BUB1: variants seen among roughly 807,000 people sequenced by gnomAD.
BUB1 encodes BUB1 mitotic checkpoint serine/threonine kinase.
In BUB1, 84 loss-of-function variants were observed where a neutral mutation model predicts 135.2. That is an observed-to-expected ratio of 0.62 (90% CI 0.52 to 0.74). The LOEUF (loss-of-function observed/expected upper bound fraction) is 0.74. Ranked by LOEUF, BUB1 falls within the 30% of genes least tolerant of loss-of-function variation. The probability of loss-of-function intolerance (pLI) is 0.00; values close to 1 mark genes in which losing one functional copy is unlikely to be tolerated. For synonymous variants in BUB1, 403 were observed against 434.4 expected, an observed-to-expected ratio of 0.93 and a Z score of 0.90; for missense variants, 1,162 against 1,288.3, an observed-to-expected ratio of 0.90 and a Z score of 1.50.
At chr2:110,650,204 G>A (rs1689744091) in intron 18 of BUB1, among the ~76,000 whole-genome samples, 1 of 140,230 alleles carries the variant, frequency 7.1e-6, no homozygotes, top group Non-Finnish European at 1.6e-5. Flanking sequence ...ACAAGGGGGT[G>A]GGCGGGGGGG....
At chr2:110,666,776 A>G (rs1429969785) in intron 8 of BUB1, among the ~76,000 whole-genome samples, 1 of 152,196 alleles carries the variant, frequency 6.6e-6, no homozygotes, top group Non-Finnish European at 1.5e-5. Flanking sequence ...TTGTTTTTAT[A>G]AGATAAAAAT....
chr2:110,645,363 G>A (rs935459951), intron 19 of BUB1, among the ~76,000 whole-genome samples: 1 of 151,868 alleles, frequency 6.6e-6, no homozygotes, highest in Non-Finnish European at 1.5e-5. Context: ...GAACCTGGGA[G>A]GCGGAGGTGG....
In BUB1 at chr2:110,641,474, A is replaced by G; in HGVS notation, c.2626-10T>C. ...AGAGGTTAATGGCATTCTAGGAACA[A>G]TGGAAAGTGGAATCCTGAGTTAGTT... On this transcript the variant is annotated splice_polypyrimidine_tract_variant and intron_variant, in intron 21 of 24. Transcript: ENST00000302759. The G allele has an allele frequency of 6.3e-7, 1 of 1,598,382 alleles. No homozygotes were observed. The highest frequency in any genetic ancestry group is 1.3e-5 in the African/African-American group (1 of 74,288).
intron 9 of BUB1, among the ~76,000 whole-genome samples, chr2:110,663,705 G>A (rs1012977677): frequency 6.6e-6 from 1 of 152,180 alleles, no homozygotes; most frequent in Non-Finnish European, 1.5e-5. Flanking sequence ...AGGTGGAGGT[G>A]AAGATAGGAA....
chr2:110,637,585 A>AGTAT lies in BUB1; in HGVS notation c.*378_*379insATAC. On this transcript the variant is annotated 3_prime_UTR_variant, in exon 25 of 25. Transcript: ENST00000302759. ...TGAAGTCCCTTGGAAATGTTAGGGA[A>AGTAT]GTGTGTGTGTGTGTGTGTGTGTGTG... is the stretch of plus-strand genomic sequence containing the variant. The AGTAT allele has an allele frequency of 6.8e-6, 1 of 147,602 alleles. No homozygotes were observed. Among genetic ancestry groups the AGTAT allele is most frequent in the Non-Finnish European group, 1.5e-5 (1 of 67,268 alleles). The allele number at this position is 147,602 out of a possible 1,614,324, so 9.1% of individuals were successfully genotyped here.
chr2:110,657,321 G>T (rs1249268433), intron 14 of BUB1, among the ~76,000 whole-genome samples: 1 of 152,108 alleles, frequency 6.6e-6, no homozygotes, highest in Non-Finnish European at 1.5e-5. Context: ...CATTACTTGA[G>T]GGTGGGAAGT....
chr2:110,657,183 C>A, intron 14 of BUB1, 66 bp from the exon 15 acceptor site: 3 of 1,395,984 alleles, frequency 2.1e-6, no homozygotes, highest in Admixed American at 1.9e-5. Context: ...TATCACTTGA[C>A]CATTAGAAAA....
At chr2:110,676,011 A>C (rs1690572215) in intron 1 of BUB1, among the ~76,000 whole-genome samples, 1 of 152,130 alleles carries the variant, frequency 6.6e-6, no homozygotes, top group South Asian at 2.1e-4. Context: ...AATGTTTCTT[A>C]TGACTCAAAA....
chr2:110,665,041 T>C (rs538675445), intron 9 of BUB1, among the ~76,000 whole-genome samples: 19 of 152,320 alleles, frequency 1.2e-4, no homozygotes, highest in African/African-American at 4.6e-4. Flanking sequence ...ACTTGAAAGG[T>C]AGCATGATTT....
Position 110,666,394 on chromosome 2 carries a change from TATA to T in BUB1, c.823_825del (p.Tyr275del). ...AAAGCATTTGCTTCTTTCCTTTTCA[TATA>T]ATGTCTGTCTTCATTTACTTTAGGA... On this transcript the variant is annotated inframe_deletion, in exon 9 of 25. Coordinates refer to ENST00000302759, the MANE Select transcript of BUB1 (RefSeq NM_004336.5). 1 of 1,469,988 alleles carries T rather than the reference TATA, an allele frequency of 6.8e-7. No homozygotes were observed. Among genetic ancestry groups the T allele is most frequent in the Non-Finnish European group, 9.0e-7 (1 of 1,105,958 alleles). 91.1% of individuals were successfully genotyped at this position (1,469,988 alleles called of 1,614,324 possible).
intron 10 of BUB1, chr2:110,661,299 C>A: frequency 2.6e-6 from 1 of 380,984 alleles, no homozygotes; most frequent in Non-Finnish European, 4.8e-6. Context: ...AGCCTAACAG[C>A]TGTATATTCT....
chr2:110,677,163 T>C (rs1447301317), intron 1 of BUB1, among the ~76,000 whole-genome samples: 1 of 152,204 alleles, frequency 6.6e-6, no homozygotes, highest in Non-Finnish European at 1.5e-5. Flanking sequence ...ACCAGGAATA[T>C]CTGCTTTACC....
At chr2:110,656,549 AAGGATATCAG>A (rs770159219) in intron 15 of BUB1, among the ~76,000 whole-genome samples, 15 of 152,178 alleles carry the variant, frequency 9.9e-5, no homozygotes, top group Non-Finnish European at 1.9e-4. Flanking sequence ...GATTTTTGGG[AAGGATATCAG>A]AGGTGAAATG....
intron 11 of BUB1, among the ~76,000 whole-genome samples, chr2:110,659,740 T>C (rs1690029560): frequency 6.6e-6 from 1 of 152,238 alleles, no homozygotes; most frequent in Non-Finnish European, 1.5e-5. Context: ...AGAAATTTAC[T>C]AGAAATGTAT....
intron 3 of BUB1, among the ~76,000 whole-genome samples, chr2:110,673,806 C>A (rs1690495436): frequency 1.3e-5 from 2 of 152,092 alleles, no homozygotes; most frequent in Non-Finnish European, 2.9e-5. Flanking sequence ...ACCACGTTGG[C>A]CAGGCTGGTC....
At chr2:110,658,291 T>TC (rs1194922247) in intron 13 of BUB1, 119 bp downstream of exon 13, 2 of 754,166 alleles carry the variant, frequency 2.7e-6, no homozygotes, top group African/African-American at 3.5e-5. Flanking sequence ...TTTCATGCAT[T>TC]CCCTGCCTTT....
chr2:110,661,794 C>A lies in BUB1; in HGVS notation c.1005G>T (p.Leu335=). ...MGPSVGSQQE[L]RAPCLPVTYQ... is the part of the protein sequence containing the mutation. ...AGGTTACTGGAAGACATGGCGCTCT[C>A]AGTTCCTGCTGGGAGCCTACACTTG... The change falls in exon 10 of 25, where the codon CTG becomes CTT. Residue 335 remains leucine, a synonymous_variant. Coordinates refer to ENST00000302759, the MANE Select transcript of BUB1 (RefSeq NM_004336.5). The A allele has an allele frequency of 6.2e-7, 1 of 1,614,208 alleles. No homozygotes were observed. The highest frequency in any genetic ancestry group is 2.2e-5 in the East Asian group (1 of 44,886).
At chr2:110,650,178 A>C (rs1162771864) in intron 18 of BUB1, among the ~76,000 whole-genome samples, 1 of 109,072 alleles carries the variant, frequency 9.2e-6, no homozygotes, top group African/African-American at 3.7e-5. Flanking sequence ...CCACTATGCC[A>C]GACTGTTTAT....
chr2:110,664,287 C>T (rs1315436989), intron 9 of BUB1, among the ~76,000 whole-genome samples: 1 of 152,078 alleles, frequency 6.6e-6, no homozygotes, highest in African/African-American at 2.4e-5. Context: ...ATACCAGATA[C>T]ATCACTATGT....
Sources: gnomAD v4.1 joint callset for allele counts (sites outside exome capture counted in the v4.1 genomes callset) on GRCh38, gnomAD v4.1.1 for gene constraint, MANE v1.5 for transcripts, NCBI Gene and HGNC (gene_info 2026-07-23, HGNC 2026-07-21) for gene names.